The following COL14A1 variants were observed in gnomAD, a reference collection of about 807,000 sequenced individuals.
COL14A1 encodes the protein collagen type XIV alpha 1 chain, also known as collagen alpha-1(XIV) chain.
Under a neutral mutation model 230.3 loss-of-function variants are expected in COL14A1, and 136 were observed. That is an observed-to-expected ratio of 0.59 (90% confidence interval 0.51 to 0.68). The LOEUF (loss-of-function observed/expected upper bound fraction) is 0.68, where lower values mean the gene tolerates loss of function less well. Ranked by LOEUF, COL14A1 falls within the 30% of genes least tolerant of loss-of-function variation. COL14A1 has a pLI of 0.00. For missense variants in COL14A1, 1,976 were observed against 2,215.8 expected (o/e 0.89, Z 2.17); for synonymous variants, 792 against 784.1 (o/e 1.01, Z -0.17).
intron 3 of COL14A1, among the ~76,000 whole-genome samples, chr8:120,161,715 T>A (rs1815676297): frequency 6.6e-6 from 1 of 152,006 alleles, no homozygotes; most frequent in African/African-American, 2.4e-5. Flanking sequence ...CAGGCTGGAG[T>A]GCAGTGGCGC....
At chr8:120,325,205 T>C (rs1164839435) in intron 40 of COL14A1, among the ~76,000 whole-genome samples, 1 of 152,204 alleles carries the variant, frequency 6.6e-6, no homozygotes, top group Non-Finnish European at 1.5e-5. Context: ...CAAATGTTTT[T>C]AAAAACAAAT....
In COL14A1 at chr8:120,226,617, C is replaced by A; in HGVS notation, c.1865-10C>A. The A allele has an allele frequency of 6.2e-7, 1 of 1,611,946 alleles. No individual in the cohort carries two copies. Among genetic ancestry groups the A allele is most frequent in the Non-Finnish European group, 8.5e-7 (1 of 1,178,720 alleles). On this transcript the variant is annotated splice_polypyrimidine_tract_variant and intron_variant, in intron 15 of 47. Transcript: ENST00000297848. ...ATTTCCCTAACAAAACCTCCTTCCT[C>A]GGTTTACAGAGGAAGTTCCAGCCCA...
At position 120,373,328 on chromosome 8, in the gene COL14A1, A is replaced by T. The variant is rs1281102968; in HGVS notation, c.*2097A>T. 6.6e-6 allele frequency among the ~76,000 whole-genome samples: 1 copy of T among 152,188 alleles called. No individual in the cohort carries two copies. Among genetic ancestry groups the T allele is most frequent in the African/African-American group, 2.4e-5 (1 of 41,454 alleles). On this transcript the variant is annotated 3_prime_UTR_variant, in exon 48 of 48. Coordinates refer to ENST00000297848, the MANE Select transcript of COL14A1 (RefSeq NM_021110.4). ...TGTTTATTTAAGCTGCAAGAAAGTTACATTAATTTGGAATGTGTCATCACT... is the reference window on the plus strand; with the variant it reads ...TGTTTATTTAAGCTGCAAGAAAGTTTCATTAATTTGGAATGTGTCATCACT...
chr8:120,277,270 T>G (rs1238038638), intron 26 of COL14A1, among the ~76,000 whole-genome samples: 2 of 152,084 alleles, frequency 1.3e-5, no homozygotes, highest in African/African-American at 4.8e-5. Flanking sequence ...GTAAAGTGAG[T>G]AGAATAGTAG....
chr8:120,367,035 C>T, intron 45 of COL14A1, 136 bp from the exon 46 acceptor site: 1 of 601,278 alleles, frequency 1.7e-6, no homozygotes. Context: ...TTAAAAGTCC[C>T]ATGGTACTCA....
At chr8:120,280,156 A>G (rs1819992151) in intron 29 of COL14A1, 57 bp downstream of exon 29, 2 of 1,569,554 alleles carry the variant, frequency 1.3e-6, no homozygotes, top group African/African-American at 1.4e-5. Context: ...AATATTTGAC[A>G]CTGGTTAAAT....
intron 45 of COL14A1, among the ~76,000 whole-genome samples, chr8:120,351,614 A>G (rs1822784338): frequency 7.1e-6 from 1 of 141,094 alleles, no homozygotes; most frequent in Non-Finnish European, 1.5e-5. Context: ...CAACACCTCT[A>G]TGCAAATAAA....
intron 19 of COL14A1, among the ~76,000 whole-genome samples, chr8:120,234,898 C>T (rs1818389213): frequency 2.6e-5 from 4 of 152,142 alleles, no homozygotes; most frequent in African/African-American, 2.4e-5. Flanking sequence ...GTACCAGCTC[C>T]TCTTTTTACC....
At chr8:120,227,502 A>G (rs1002404342) in intron 17 of COL14A1, 150 bp downstream of exon 17, 29 of 959,524 alleles carry the variant, frequency 3.0e-5, no homozygotes, top group South Asian at 6.8e-5. Context: ...TTCACTTTCA[A>G]TGAAACCAGT....
intron 5 of COL14A1, among the ~76,000 whole-genome samples, chr8:120,181,710 C>A (rs558792324): frequency 2.4e-4 from 36 of 152,256 alleles, no homozygotes; most frequent in African/African-American, 7.9e-4. Flanking sequence ...GGTTCTCCTG[C>A]AATTTTAGCC....
intron 38 of COL14A1, 110 bp downstream of exon 38, chr8:120,314,137 T>C (rs570739650): frequency 9.7e-6 from 7 of 721,886 alleles, no homozygotes; most frequent in Non-Finnish European, 1.6e-5. Context: ...TCAGTCCCTT[T>C]GAAAGCAATG....
intron 38 of COL14A1, among the ~76,000 whole-genome samples, chr8:120,315,046 A>G (rs1821168402): frequency 6.6e-6 from 1 of 152,226 alleles, no homozygotes; most frequent in Non-Finnish European, 1.5e-5. Flanking sequence ...GAATGTTTAC[A>G]TAAATGGCAT....
intron 1 of COL14A1, among the ~76,000 whole-genome samples, chr8:120,141,260 A>T (rs1814898243): frequency 6.6e-6 from 1 of 152,188 alleles, no homozygotes; most frequent in Non-Finnish European, 1.5e-5. Flanking sequence ...AGAAGAATTT[A>T]TGCTGGGCAC....
intron 1 of COL14A1, among the ~76,000 whole-genome samples, chr8:120,145,329 G>T (rs571306642): frequency 6.6e-6 from 1 of 152,270 alleles, no homozygotes; most frequent in East Asian, 1.9e-4. Flanking sequence ...TTAAAAACAT[G>T]CATCTTGGGC....
At position 120,257,617 on chromosome 8, in the gene COL14A1, G is replaced by A. The variant is rs139606228; in HGVS notation, c.2869+2261G>A. 6.6e-5 allele frequency among the ~76,000 whole-genome samples: 10 copies of A among 152,268 alleles called. No homozygotes were observed. The East Asian group carries it at 1.9e-3, about 29-fold the overall frequency. ...GATTCACTGACTTTAAAGGACTTGT[G>A]GTAAGATGCCCATTCTTCCACAGGC... On this transcript the variant is annotated intron_variant, in intron 23 of 47. Coordinates refer to ENST00000297848, the MANE Select transcript of COL14A1 (RefSeq NM_021110.4).
rs180850279 is a variant in COL14A1 at position 120,305,239 on chromosome 8, C to T, written c.4401+4421C>T. 5.3e-4 allele frequency among the ~76,000 whole-genome samples: 81 copies of T among 152,272 alleles called. 1 individual carries two copies. The highest frequency in any genetic ancestry group is 1.8e-3 in the African/African-American group (76 of 41,566). ...AGGTGATCTGCCTGCCTCGGCCTCC[C>T]AAAGTGCTGGGATTACAGGCGTGAG... On this transcript the variant is annotated intron_variant, in intron 36 of 47. Coordinates refer to ENST00000297848, the MANE Select transcript of COL14A1 (RefSeq NM_021110.4).
At chr8:120,136,532 T>C (rs951995155) in intron 1 of COL14A1, among the ~76,000 whole-genome samples, 4 of 152,218 alleles carry the variant, frequency 2.6e-5, no homozygotes, top group African/African-American at 9.6e-5. Context: ...TAATAAGCTC[T>C]ACTTGGTCAT....
chr8:120,260,467 CA>C (rs1365482807), intron 23 of COL14A1, among the ~76,000 whole-genome samples: 1 of 151,928 alleles, frequency 6.6e-6, no homozygotes, highest in Non-Finnish European at 1.5e-5. Flanking sequence ...AACTCCTCTG[CA>C]AATAACATTT....
intron 24 of COL14A1, among the ~76,000 whole-genome samples, chr8:120,266,110 C>T (rs1420397013): frequency 2.0e-5 from 3 of 151,968 alleles, no homozygotes; most frequent in Admixed American, 2.0e-4. Flanking sequence ...TACGTAATAA[C>T]ATCGTATTTT....
Sources: allele counts gnomAD v4.1 joint callset (sites outside exome capture counted in the v4.1 genomes callset), GRCh38; gene constraint gnomAD v4.1.1; transcripts MANE v1.5; gene names NCBI Gene and HGNC (gene_info 2026-07-23, HGNC 2026-07-21).